The following ZNF831 variants were observed in gnomAD, a reference collection of about 807,000 sequenced individuals.
ZNF831 encodes zinc finger protein 831.
ZNF831 carries 59 observed loss-of-function variants against 95.8 expected under a neutral mutation model. The observed-to-expected ratio is 0.62, with a 90% CI of 0.50 to 0.77. ZNF831 has a LOEUF of 0.77. ZNF831 is among the 30% of genes least tolerant of loss of function. The pLI, the probability that ZNF831 is intolerant of heterozygous loss-of-function variation, is 0.00. For synonymous variants in ZNF831, 961 were observed against 925.5 expected (o/e 1.04, Z -0.70); for missense variants, 2,205 against 2,164.0 (o/e 1.02, Z -0.38).
chr20:59,141,380 G>C (rs1375077585), intron 1 of ZNF831, among the ~76,000 whole-genome samples: 2 of 151,988 alleles, frequency 1.3e-5, no homozygotes, highest in African/African-American at 4.8e-5. Context: ...ATTACTTTTT[G>C]TATAAGGTGT....
chr20:59,204,716 C>T (rs183190001), intron 3 of ZNF831, among the ~76,000 whole-genome samples: 1 of 152,294 alleles, frequency 6.6e-6, no homozygotes, highest in East Asian at 1.9e-4. Flanking sequence ...GAGTGTATCA[C>T]CCTCACAGCC....
chr20:59,180,261 A>AT (rs578222892), intron 1 of ZNF831, among the ~76,000 whole-genome samples: 1 of 151,902 alleles, frequency 6.6e-6, no homozygotes, highest in South Asian at 2.1e-4. Context: ...CTAATTATTT[A>AT]TTTTTTGTAG....
intron 4 of ZNF831, among the ~76,000 whole-genome samples, chr20:59,219,313 C>T (rs1985921490): frequency 6.6e-6 from 1 of 152,102 alleles, no homozygotes; most frequent in South Asian, 2.1e-4. Context: ...CTGAGGGTCC[C>T]AGGTAATTAC....
chr20:59,130,912 CCT>C (rs527805707), intron 1 of ZNF831, among the ~76,000 whole-genome samples: 4 of 152,054 alleles, frequency 2.6e-5, no homozygotes, highest in Admixed American at 6.6e-5. Context: ...TCTGTGAGCC[CCT>C]GTTTCCTCAT....
intron 1 of ZNF831, among the ~76,000 whole-genome samples, chr20:59,184,700 G>T (rs186864494): frequency 6.6e-6 from 1 of 152,160 alleles, no homozygotes; most frequent in East Asian, 1.9e-4. Flanking sequence ...TCTGCTAAAC[G>T]TATCCAATAT....
chr20:59,225,244 G>A (rs1232172452), intron 4 of ZNF831, among the ~76,000 whole-genome samples: 1 of 152,184 alleles, frequency 6.6e-6, no homozygotes, highest in Non-Finnish European at 1.5e-5. Context: ...TCTCCTTGAA[G>A]AAGAAGTTGT....
intron 1 of ZNF831, among the ~76,000 whole-genome samples, chr20:59,133,043 G>A (rs1979396446): frequency 7.7e-6 from 1 of 130,102 alleles, no homozygotes; most frequent in African/African-American, 2.9e-5. Context: ...ATCACTTTGG[G>A]CAGTTGCTAT....
intron 1 of ZNF831, among the ~76,000 whole-genome samples, chr20:59,142,698 G>A (rs1019976448): frequency 6.6e-6 from 1 of 152,184 alleles, no homozygotes; most frequent in Non-Finnish European, 1.5e-5. Flanking sequence ...AATGCCTCTA[G>A]CAAAAATTTC....
intron 1 of ZNF831, among the ~76,000 whole-genome samples, chr20:59,167,344 G>A (rs1981356455): frequency 6.7e-6 from 1 of 150,254 alleles, no homozygotes; most frequent in Non-Finnish European, 1.5e-5. Flanking sequence ...TAAGTCCCTT[G>A]TCAGATATGT....
chr20:59,201,709 C>T (rs6070738), intron 3 of ZNF831, among the ~76,000 whole-genome samples: 1 of 152,136 alleles, frequency 6.6e-6, no homozygotes, highest in Non-Finnish European at 1.5e-5. Context: ...GTTGTTCCAG[C>T]ATCATTTGTT....
chr20:59,190,992 G>T lies in ZNF831; in HGVS notation c.-28G>T. The T allele has an allele frequency of 6.8e-7, 1 of 1,466,826 alleles. No homozygotes were observed. 90.9% of individuals were successfully genotyped at this position (1,466,826 alleles called of 1,614,324 possible). ...TTGGTTGTTGTCTGCAGGTTTTCCA[G>T]CATTGTGGGCCATCCAGATGATGCG... On this transcript the variant is annotated 5_prime_UTR_variant, in exon 2 of 6. Transcript: ENST00000371030.
chr20:59,196,740 A>T (rs145922774), intron 3 of ZNF831, among the ~76,000 whole-genome samples: 40 of 152,106 alleles, frequency 2.6e-4, no homozygotes, highest in Non-Finnish European at 4.7e-4. Context: ...TCCACACCTC[A>T]GTTGTCAACC....
Position 59,255,010 on chromosome 20 carries a change from G to T in ZNF831, c.*267G>T. 1 of 378,358 alleles carries T rather than the reference G, an allele frequency of 2.6e-6. No individual in the cohort carries two copies. The highest frequency in any genetic ancestry group is 4.8e-6 in the Non-Finnish European group (1 of 207,794). 23.4% of individuals were successfully genotyped at this position (378,358 alleles called of 1,614,324 possible). ...GGCAAGGAAGCAAACTCTGCAAATG[G>T]TCAACGTGCACAGTGACTGGGCCTT... On this transcript the variant is annotated 3_prime_UTR_variant, in exon 6 of 6. Transcript: ENST00000371030.
intron 3 of ZNF831, 66 bp from the exon 4 acceptor site, chr20:59,206,839 T>C: frequency 6.4e-7 from 1 of 1,562,890 alleles, no homozygotes; most frequent in Non-Finnish European, 8.7e-7. Context: ...CACAGTGACT[T>C]TCCAGATTTT....
chr20:59,138,941 G>A (rs574800549), intron 1 of ZNF831, among the ~76,000 whole-genome samples: 13 of 151,856 alleles, frequency 8.6e-5, no homozygotes, highest in African/African-American at 2.2e-4. Context: ...CAGACTGTTC[G>A]CAAATCCCCT....
rs59267396 is a variant in ZNF831 at position 59,232,994 on chromosome 20, GCACACACACACACACACACA to G, written c.4028-19953_4028-19934del. ...TCATTTTATAGGTGAGGACCCTGAGGCACACACACACACACACACACACACACACACACACACACACACAC... is the reference window on the plus strand; with the variant it reads ...TCATTTTATAGGTGAGGACCCTGAGGCACACACACACACACACACACACAC... On this transcript the variant is annotated intron_variant, in intron 4 of 5. Transcript: ENST00000371030. Among the ~76,000 whole-genome samples the G allele has an allele frequency of 2.9e-3, 355 of 123,084 alleles. 3 individuals carry two copies. Among genetic ancestry groups the G allele is most frequent in the African/African-American group, 0.01 (334 of 32,240 alleles). 80.7% of individuals were successfully genotyped at this position (123,084 alleles called of 152,430 possible). A position where few individuals can be genotyped will look rare whatever the true frequency, so the allele number is the denominator to read the frequency against.
At chr20:59,219,570 G>A (rs1289622457) in intron 4 of ZNF831, among the ~76,000 whole-genome samples, 1 of 152,120 alleles carries the variant, frequency 6.6e-6, no homozygotes, top group Non-Finnish European at 1.5e-5. Flanking sequence ...AGCATAGCAG[G>A]GGGTGGGGCA....
intron 1 of ZNF831, among the ~76,000 whole-genome samples, chr20:59,141,210 T>G (rs1368482612): frequency 1.3e-5 from 2 of 152,228 alleles, no homozygotes; most frequent in Admixed American, 1.3e-4. Flanking sequence ...AGTTTTTAAT[T>G]TTAATAAAGT....
At chr20:59,248,264 G>T (rs181202403) in intron 4 of ZNF831, among the ~76,000 whole-genome samples, 66 of 152,360 alleles carry the variant, frequency 4.3e-4, no homozygotes, top group African/African-American at 1.5e-3. Context: ...GATTCATACA[G>T]TGTGATGCTG....
Sources: allele counts gnomAD v4.1 joint callset (sites outside exome capture counted in the v4.1 genomes callset), GRCh38; gene constraint gnomAD v4.1.1; transcripts MANE v1.5; gene names NCBI Gene and HGNC (gene_info 2026-07-23, HGNC 2026-07-21).